Variants in PDE4B observed in about 807,000 individuals in gnomAD.
The protein encoded by PDE4B is phosphodiesterase 4B.
Under a neutral mutation model 82.2 loss-of-function variants are expected in PDE4B, and 20 were observed. That is an observed-to-expected ratio of 0.24 (90% CI 0.17 to 0.35). PDE4B has a LOEUF of 0.35. Ranked by LOEUF, PDE4B falls within the 10% of genes least tolerant of loss-of-function variation. The pLI, the probability that PDE4B is intolerant of heterozygous loss-of-function variation, is 1.00. For missense variants in PDE4B, 655 were observed against 907.2 expected, an observed-to-expected ratio of 0.72 and a Z score of 3.57; for synonymous variants, 320 against 318.9, an observed-to-expected ratio of 1.00 and a Z score of -0.04.
rs549113837 is a variant in PDE4B, at chr1:66,079,310, A to ACTCCTG, written c.281+160478_281+160483dup. 1.7e-4 allele frequency among the ~76,000 whole-genome samples: 26 copies of ACTCCTG among 152,064 alleles called. No individual in the cohort carries two copies. The East Asian group carries it at 3.9e-3, about 23-fold the overall frequency. ...TTAAAATATAACTATTTATAGTTAA[A>ACTCCTG]CTCCTGCTGATTGGGTCACAGTTAC... On this transcript the variant is annotated intron_variant, in intron 3 of 16. Transcript: ENST00000341517.
At chr1:66,358,993 G>A (rs1041051976) in intron 9 of PDE4B, among the ~76,000 whole-genome samples, 4 of 152,168 alleles carry the variant, frequency 2.6e-5, no homozygotes, top group African/African-American at 9.7e-5. Flanking sequence ...CACATAATGG[G>A]CTCCAGGTTG....
chr1:65,904,893 A>G (rs1349033512), intron 1 of PDE4B, among the ~76,000 whole-genome samples: 1 of 152,168 alleles, frequency 6.6e-6, no homozygotes, highest in Non-Finnish European at 1.5e-5. Context: ...TGCCTGCCAT[A>G]AAGTTATTCA....
In PDE4B at chr1:65,794,654, C is replaced by G. The variant is rs113076510; in HGVS notation, c.-71+1406C>G. Among the ~76,000 whole-genome samples, 1,420 of 152,278 alleles carry G rather than the reference C, an allele frequency of 9.3e-3. 20 individuals carry two copies. The highest frequency in any genetic ancestry group is 0.032 in the African/African-American group (1,321 of 41,558). On this transcript the variant is annotated intron_variant, in intron 1 of 16. Transcript: ENST00000341517. ...CATTGGTCTCTTCAGCTCTTCAAAT[C>G]AATACTTGTAGGACTTGACTGTAAT...
chr1:66,166,733 CAAA>C (rs903951141), intron 3 of PDE4B, among the ~76,000 whole-genome samples: 1 of 60,640 alleles, frequency 1.6e-5, no homozygotes. Flanking sequence ...GACTCTGTCT[CAAA>C]AAAAAAAAAA....
At chr1:66,278,780 G>C (rs149493478) in intron 7 of PDE4B, among the ~76,000 whole-genome samples, 1 of 151,692 alleles carries the variant, frequency 6.6e-6, no homozygotes, top group African/African-American at 2.4e-5. Context: ...GTACCTGCCC[G>C]GACAAACAAT....
intron 1 of PDE4B, among the ~76,000 whole-genome samples, chr1:65,859,066 G>A (rs1646425797): frequency 6.6e-6 from 1 of 152,066 alleles, no homozygotes; most frequent in Non-Finnish European, 1.5e-5. Context: ...ATATTTGTGT[G>A]TTGCCCAAAT....
At chr1:66,360,179 T>C (rs1383747427) in intron 9 of PDE4B, among the ~76,000 whole-genome samples, 3 of 152,162 alleles carry the variant, frequency 2.0e-5, no homozygotes, top group African/African-American at 7.2e-5. Flanking sequence ...CCTAAACTAA[T>C]TGAGATGACC....
intron 3 of PDE4B, among the ~76,000 whole-genome samples, chr1:66,197,063 T>C (rs1208386312): frequency 6.6e-6 from 1 of 152,050 alleles, no homozygotes; most frequent in East Asian, 1.9e-4. Flanking sequence ...AATAATTTAT[T>C]TTGCTAAATC....
intron 3 of PDE4B, among the ~76,000 whole-genome samples, chr1:66,185,446 C>G (rs1557616994): frequency 6.6e-6 from 1 of 152,230 alleles, no homozygotes; most frequent in South Asian, 2.1e-4. Context: ...AACTAGTTTA[C>G]AGTCCCACCA....
At chr1:66,303,564 T>C (rs1038540087) in intron 7 of PDE4B, among the ~76,000 whole-genome samples, 2 of 152,086 alleles carry the variant, frequency 1.3e-5, no homozygotes, top group African/African-American at 4.8e-5. Flanking sequence ...AGAAACTTTG[T>C]ACCCTTTGAC....
rs559618527 is a variant in PDE4B at position 66,352,503 on chromosome 1, T to G, written c.748-3024T>G. ...GCAATGGAAGACTATAGAAAGAAAA[T>G]AAACAGAGAAATCTTTCCTCTTATA... On this transcript the variant is annotated intron_variant, in intron 8 of 16. Coordinates refer to ENST00000341517, the MANE Select transcript of PDE4B (RefSeq NM_002600.4). Among the ~76,000 whole-genome samples the G allele has an allele frequency of 3.3e-5, 5 of 152,246 alleles. No homozygotes were observed. The South Asian group carries it at 1.0e-3, about 32-fold the overall frequency.
In PDE4B at chr1:66,087,960, T is replaced by TATAC. The variant is rs760911266; in HGVS notation, c.282-159497_282-159494dup. 7.9e-5 allele frequency among the ~76,000 whole-genome samples: 12 copies of TATAC among 151,744 alleles called. No individual in the cohort carries two copies. In the East Asian group the frequency reaches 1.6e-3, roughly 20 times the overall value. On this transcript the variant is annotated intron_variant, in intron 3 of 16. Coordinates refer to ENST00000341517, the MANE Select transcript of PDE4B (RefSeq NM_002600.4). ...GTGCAGCACACCAGCATGGCACATG[T>TATAC]ATACATGTGTAACTAACCTGCACAT... is the stretch of plus-strand genomic sequence containing the variant.
chr1:66,175,813 A>G (rs1489883929), intron 3 of PDE4B, among the ~76,000 whole-genome samples: 1 of 152,212 alleles, frequency 6.6e-6, no homozygotes, highest in Non-Finnish European at 1.5e-5. Flanking sequence ...TCTTGTATGA[A>G]TCATCACATA....
intron 3 of PDE4B, among the ~76,000 whole-genome samples, chr1:66,220,670 G>A (rs1431924212): frequency 6.6e-6 from 1 of 152,036 alleles, no homozygotes; most frequent in Non-Finnish European, 1.5e-5. Context: ...TTTTCCCTCT[G>A]CTGCTATGTT....
chr1:66,355,475 G>A (rs1292209896), intron 8 of PDE4B, 52 bp from the exon 9 acceptor site: 3 of 1,174,754 alleles, frequency 2.6e-6, no homozygotes, highest in Non-Finnish European at 3.8e-6. Context: ...CATTTAAAAT[G>A]AACATTTGCT....
chr1:66,361,608 G>A lies in PDE4B; in HGVS notation c.842-7G>A. On this transcript the variant is annotated splice_polypyrimidine_tract_variant and splice_region_variant and intron_variant, in intron 9 of 16. Transcript: ENST00000341517. ...TGCTGAAAAACATATTCCTTTGTCTGTTGCAGACAAGCAGAATGATGTGGA... is the reference window on the plus strand; with the variant it reads ...TGCTGAAAAACATATTCCTTTGTCTATTGCAGACAAGCAGAATGATGTGGA... The A allele has an allele frequency of 1.2e-6, 2 of 1,610,418 alleles. No homozygotes were observed. Among genetic ancestry groups the A allele is most frequent in the East Asian group, 2.2e-5 (1 of 44,848 alleles).
intron 3 of PDE4B, among the ~76,000 whole-genome samples, chr1:65,934,279 T>C (rs1647998958): frequency 6.6e-6 from 1 of 152,028 alleles, no homozygotes; most frequent in Admixed American, 6.5e-5. Context: ...CAAGACCCTA[T>C]CTGTAAAACA....
At chr1:65,953,001 C>T (rs1046966622) in intron 3 of PDE4B, among the ~76,000 whole-genome samples, 20 of 152,186 alleles carry the variant, frequency 1.3e-4, no homozygotes, top group Non-Finnish European at 2.4e-4. Context: ...CCACCTCCAC[C>T]GGGCATGGAA....
At chr1:66,157,403 C>A (rs1446914785) in intron 3 of PDE4B, among the ~76,000 whole-genome samples, 1 of 152,186 alleles carries the variant, frequency 6.6e-6, no homozygotes, top group Non-Finnish European at 1.5e-5. Context: ...CAGTGGTATT[C>A]CCTTTACATT....
Sources: allele counts gnomAD v4.1 joint callset (sites outside exome capture counted in the v4.1 genomes callset), GRCh38; gene constraint gnomAD v4.1.1; transcripts MANE v1.5; gene names NCBI Gene and HGNC (gene_info 2026-07-23, HGNC 2026-07-21).